Variants in NHSL1 observed in about 807,000 individuals in gnomAD.
NHSL1 encodes the protein NHS-like protein 1.
NHSL1 carries 48 observed loss-of-function variants against 95.0 expected under a neutral mutation model. That is an observed-to-expected ratio of 0.51 (90% CI 0.40 to 0.64). The LOEUF is 0.64. NHSL1 is among the 30% of genes least tolerant of loss of function. The probability of loss-of-function intolerance (pLI) is 0.00; values close to 1 mark genes in which losing one functional copy is unlikely to be tolerated. For missense variants in NHSL1, 1,971 were observed against 2,077.7 expected (o/e 0.95, Z 1.00); for synonymous variants, 783 against 833.9 (o/e 0.94, Z 1.05).
exon 1 of NHSL1, chr6:138,571,743 C>T (rs1783846757): frequency 5.2e-6 from 8 of 1,552,118 alleles, no homozygotes; most frequent in Non-Finnish European, 7.0e-6. Context: ...ATCCAGTTTT[C>T]GTCATCCACT....
At chr6:138,545,891 C>G, upstream of NHSL1, 4 of 943,494 alleles carry the variant, frequency 4.2e-6, no homozygotes, top group Non-Finnish European at 5.1e-6. Context: ...GGGAAAGGAG[C>G]CAGGGGTTAG....
chr6:138,684,664 C>G (rs1399516288), intron 1 of NHSL1, among the ~76,000 whole-genome samples: 1 of 149,238 alleles, frequency 6.7e-6, no homozygotes, highest in Non-Finnish European at 1.5e-5. Flanking sequence ...AACAAACAAA[C>G]AAACAAACAT....
At chr6:138,478,012 C>CTTTTTTTTTTTTTTTTTTTTTTT in intron 2 of NHSL1, among the ~76,000 whole-genome samples, 1 of 30,016 alleles carries the variant, frequency 3.3e-5, no homozygotes, top group Non-Finnish European at 5.8e-5. Flanking sequence ...ATTTATGTCA[C>CTTTTTTTTTTTTTTTTTTTTTTT]TTTTTTTTTT....
chr6:138,467,074 T>C (rs1044638675), intron 3 of NHSL1, among the ~76,000 whole-genome samples: 1 of 152,154 alleles, frequency 6.6e-6, no homozygotes, highest in Non-Finnish European at 1.5e-5. Context: ...TAATACATCA[T>C]ACTTGATAAT....
At chr6:138,582,345 G>A (rs1366465096) in intron 1 of NHSL1, among the ~76,000 whole-genome samples, 1 of 151,618 alleles carries the variant, frequency 6.6e-6, no homozygotes, top group Non-Finnish European at 1.5e-5. Context: ...GACCATGAAT[G>A]AGAATGTAAA....
intron 6 of NHSL1, 134 bp from the exon 7 acceptor site, chr6:138,429,977 G>C (rs1028088542): frequency 3.6e-6 from 3 of 843,348 alleles, no homozygotes; most frequent in African/African-American, 3.4e-5. Flanking sequence ...TGGGTCTGTA[G>C]TTTGATAGTT....
chr6:138,589,654 T>A (rs1562384711), intron 1 of NHSL1, among the ~76,000 whole-genome samples: 1 of 152,218 alleles, frequency 6.6e-6, no homozygotes, highest in Non-Finnish European at 1.5e-5. Flanking sequence ...CCCTGTCCTG[T>A]TCATTCCACC....
At chr6:138,429,307 T>TGAAAAAAAA (rs1775468783) in intron 7 of NHSL1, among the ~76,000 whole-genome samples, 2 of 152,164 alleles carry the variant, frequency 1.3e-5, no homozygotes, top group Non-Finnish European at 2.9e-5. Context: ...CTAAAACATC[T>TGAAAAAAAA]TTAGGAAGAG....
chr6:138,492,255 T>G (rs1485065727), intron 2 of NHSL1, among the ~76,000 whole-genome samples: 1 of 152,138 alleles, frequency 6.6e-6, no homozygotes, highest in Admixed American at 6.5e-5. Flanking sequence ...TGAGGGGACC[T>G]CCCAGTGCTT....
At position 138,424,651 on chromosome 6, in the gene NHSL1, G is replaced by C; in HGVS notation, c.4251C>G (p.Asp1417Glu). Reference protein sequence around the residue: ...RSIRKSSTSSDNFKALLLKKG... With the variant: ...RSIRKSSTSSENFKALLLKKG... ...TTTTCAGCAGCAGAGCTTTGAAGTT[G>C]TCACTGCTGGTGCTGCTCTTTCGGA... The change falls in exon 8 of 8, where the codon GAC (aspartate) becomes GAG (glutamate). Residue 1417 changes from aspartate to glutamate, a missense_variant. Asp to Glu is a conservative substitution (Grantham distance 45). Transcript: ENST00000343505. This position sits in a 1 kb window ranked among gnomAD's most constrained non-coding sequence, Gnocchi z 5.9. 3.2e-6 allele frequency: 5 copies of C among 1,551,540 alleles called. No individual in the cohort carries two copies. The highest frequency in any genetic ancestry group is 4.4e-6 in the Non-Finnish European group (5 of 1,146,960).
chr6:138,559,293 C>A (rs1360330343), intron 1 of NHSL1, among the ~76,000 whole-genome samples: 1 of 152,198 alleles, frequency 6.6e-6, no homozygotes, highest in African/African-American at 2.4e-5. Flanking sequence ...TTCCCTAGGG[C>A]CAGTGAGCAG....
intron 1 of NHSL1, among the ~76,000 whole-genome samples, chr6:138,673,280 A>G (rs1785404523): frequency 6.6e-6 from 1 of 151,730 alleles, no homozygotes; most frequent in African/African-American, 2.4e-5. Flanking sequence ...GCAAAGCAAT[A>G]CTTGGTGGGC....
intron 1 of NHSL1, among the ~76,000 whole-genome samples, chr6:138,621,435 A>T (rs1784662096): frequency 6.6e-6 from 1 of 152,056 alleles, no homozygotes; most frequent in Non-Finnish European, 1.5e-5. Flanking sequence ...GTTAAATTAA[A>T]ATACAATGAA....
At chr6:138,548,099 A>G (rs1032400622), upstream of NHSL1, among the ~76,000 whole-genome samples, 1 of 152,032 alleles carries the variant, frequency 6.6e-6, no homozygotes, top group African/African-American at 2.4e-5. Context: ...TCGCTGCCTC[A>G]GCCTCCCAAG....
At chr6:138,612,109 CAAAA>C (rs368848438) in intron 1 of NHSL1, among the ~76,000 whole-genome samples, 2 of 73,486 alleles carry the variant, frequency 2.7e-5, no homozygotes, top group African/African-American at 4.9e-5. Flanking sequence ...GACTCCATCT[CAAAA>C]AAAAAAAAAA....
At chr6:138,647,487 G>T (rs1785034519) in intron 1 of NHSL1, among the ~76,000 whole-genome samples, 1 of 152,014 alleles carries the variant, frequency 6.6e-6, no homozygotes, top group South Asian at 2.1e-4. Flanking sequence ...GTGCTTGAGT[G>T]AAAACATTTG....
At chr6:138,473,663 A>G (rs925440430) in intron 2 of NHSL1, among the ~76,000 whole-genome samples, 3 of 152,184 alleles carry the variant, frequency 2.0e-5, no homozygotes, top group African/African-American at 7.2e-5. Flanking sequence ...ATAAGATTGT[A>G]TTCAGAGATC....
intron 1 of NHSL1, among the ~76,000 whole-genome samples, chr6:138,682,250 A>G (rs1428577378): frequency 6.6e-6 from 1 of 152,264 alleles, no homozygotes; most frequent in African/African-American, 2.4e-5. Flanking sequence ...GTAAGTGAAA[A>G]TAAAACAGAA....
At chr6:138,689,452 A>G (rs1719567736) in intron 1 of NHSL1, among the ~76,000 whole-genome samples, 1 of 152,246 alleles carries the variant, frequency 6.6e-6, no homozygotes, top group Admixed American at 6.5e-5. Context: ...GGAATGGCAA[A>G]CTTGATGAAA....
Sources: gnomAD v4.1 joint callset for allele counts (sites outside exome capture counted in the v4.1 genomes callset) on GRCh38, gnomAD v4.1.1 for gene constraint, Gnocchi (gnomAD v3.1) non-coding constraint, MANE v1.5 for transcripts, NCBI Gene and HGNC (gene_info 2026-07-23, HGNC 2026-07-21) for gene names.